Variants in SLIT3 observed in about 807,000 individuals in gnomAD.
SLIT3 encodes slit guidance ligand 3, also known as slit homolog 3 protein.
SLIT3 carries 68 observed loss-of-function variants against 184.0 expected under a neutral mutation model. The observed-to-expected ratio is 0.37, with a 90% CI of 0.30 to 0.45. SLIT3 has a LOEUF of 0.45. Ranked by LOEUF, SLIT3 falls within the 20% of genes least tolerant of loss-of-function variation. SLIT3 has a pLI of 1.00. For missense variants in SLIT3, 1,707 were observed against 2,026.0 expected (o/e 0.84, Z 3.02); for synonymous variants, 831 against 828.6 (o/e 1.00, Z -0.05).
At chr5:168,862,908 C>T (rs1759162500) in intron 5 of SLIT3, among the ~76,000 whole-genome samples, 1 of 152,198 alleles carries the variant, frequency 6.6e-6, no homozygotes, top group African/African-American at 2.4e-5. Flanking sequence ...CCCCTGACCT[C>T]AGGTGATCTG....
At chr5:168,742,247 C>T (rs1207905714) in intron 20 of SLIT3, among the ~76,000 whole-genome samples, 1 of 149,132 alleles carries the variant, frequency 6.7e-6, no homozygotes, top group Non-Finnish European at 1.5e-5. Context: ...CACCTCTGGG[C>T]TCCTAGCCCA....
intron 4 of SLIT3, chr5:169,120,277 G>T (rs1291059611): frequency 6.6e-6 from 1 of 152,132 alleles, no homozygotes; most frequent in Non-Finnish European, 1.5e-5. Flanking sequence ...CATAATAGTT[G>T]CTCCAGGAAC....
chr5:168,868,524 C>T (rs149184261), intron 5 of SLIT3, among the ~76,000 whole-genome samples: 161 of 152,068 alleles, frequency 1.1e-3, no homozygotes, highest in Middle Eastern at 6.8e-3. Context: ...ACAAAGGGGG[C>T]GGATCACGAG....
At chr5:169,240,877 C>CTT (rs199600846) in intron 3 of SLIT3, among the ~76,000 whole-genome samples, 2 of 139,728 alleles carry the variant, frequency 1.4e-5, no homozygotes, top group Admixed American at 7.0e-5. Context: ...AATTTTTTGG[C>CTT]TTTTTTTTTT....
intron 5 of SLIT3, among the ~76,000 whole-genome samples, chr5:168,882,001 C>A (rs1213105298): frequency 6.6e-6 from 1 of 152,182 alleles, no homozygotes; most frequent in Non-Finnish European, 1.5e-5. Flanking sequence ...CTCCACCCAC[C>A]CCCAGAGACG....
At chr5:169,022,692 G>A (rs567379952) in intron 4 of SLIT3, 3 of 151,978 alleles carry the variant, frequency 2.0e-5, no homozygotes, top group Non-Finnish European at 2.9e-5. Flanking sequence ...TGGTTTTTGC[G>A]GGGGGTAACA....
intron 14 of SLIT3, among the ~76,000 whole-genome samples, chr5:168,768,776 C>T (rs1755438989): frequency 6.6e-6 from 1 of 152,112 alleles, no homozygotes; most frequent in African/African-American, 2.4e-5. Flanking sequence ...AGGAAAAAGC[C>T]CCCTTTGACA....
chr5:169,165,187 G>A (rs568246509), intron 4 of SLIT3, among the ~76,000 whole-genome samples: 6 of 152,250 alleles, frequency 3.9e-5, no homozygotes, highest in Non-Finnish European at 7.3e-5. Flanking sequence ...GATGTTGGAA[G>A]AAACAAGTGA....
rs1006854304 is a variant in SLIT3, at chr5:168,761,025, C to T, written c.1611-89G>A. On this transcript the variant is annotated intron_variant, in intron 15 of 35. Transcript: ENST00000519560. ...TGGCTTTGCTGCATTGCTGCCTGAA[C>T]CTCACACTCGGTGAAGGACCACAGA... is the stretch of plus-strand genomic sequence containing the variant. The T allele has an allele frequency of 3.1e-6, 3 of 964,482 alleles. No homozygotes were observed. In the East Asian group the frequency reaches 7.2e-5, roughly 23 times the overall value. The allele number at this position is 964,482 out of a possible 1,614,324, so 59.7% of individuals were successfully genotyped here.
chr5:169,247,985 C>T (rs1315353696), intron 2 of SLIT3, among the ~76,000 whole-genome samples: 1 of 152,158 alleles, frequency 6.6e-6, no homozygotes, highest in Non-Finnish European at 1.5e-5. Flanking sequence ...CAAAGAGAGT[C>T]ACCGGCAGGA....
intron 9 of SLIT3, among the ~76,000 whole-genome samples, chr5:168,804,643 T>C (rs986999044): frequency 6.6e-6 from 1 of 152,220 alleles, no homozygotes; most frequent in Non-Finnish European, 1.5e-5. Flanking sequence ...GACTCTTTAC[T>C]AACCAGCTCC....
rs1284776199 is a variant in SLIT3 at position 168,673,316 on chromosome 5, A to G, written c.3702T>C (p.Asn1234=). The change falls in exon 33 of 36, where the codon AAT becomes AAC. Residue 1234 remains asparagine, a synonymous_variant. Coordinates refer to ENST00000519560, the MANE Select transcript of SLIT3 (RefSeq NM_003062.4). ...PTTVYSVETV[N]DGQFHSVELV... is the part of the protein sequence containing the mutation. ...GCTCCACACTGTGAAACTGCCCATC[A>G]TTCACTGTCTCCACACTGGCCAGTA... The G allele has an allele frequency of 2.5e-6, 4 of 1,614,138 alleles. No homozygotes were observed. Among genetic ancestry groups the G allele is most frequent in the Non-Finnish European group, 3.4e-6 (4 of 1,180,018 alleles).
intron 4 of SLIT3, among the ~76,000 whole-genome samples, chr5:169,117,892 G>C (rs577178261): frequency 6.6e-6 from 1 of 152,194 alleles, no homozygotes; most frequent in African/African-American, 2.4e-5. Context: ...AGGCCACAGC[G>C]CTTCCTAAGC....
intron 4 of SLIT3, among the ~76,000 whole-genome samples, chr5:169,014,975 C>A (rs1339655534): frequency 6.6e-6 from 1 of 152,008 alleles, no homozygotes; most frequent in Non-Finnish European, 1.5e-5. Flanking sequence ...AAAAATGCAA[C>A]CTCAGAAGGT....
chr5:168,777,074 C>T (rs967233275), intron 12 of SLIT3, among the ~76,000 whole-genome samples: 1 of 24,818 alleles, frequency 4.0e-5, no homozygotes, highest in East Asian at 4.1e-3. Context: ...AACACACACA[C>T]ACACACACAC....
chr5:168,772,964 G>A lies in SLIT3; in HGVS notation c.1296-20C>T, dbSNP rs376668238. ...AAGTGGCTGCGAGAGGGATGGGGCC[G>A]TTAATCAGGAGTGACCCACGGCGTC... On this transcript the variant is annotated intron_variant, in intron 13 of 35. Transcript: ENST00000519560. 89 of 1,577,824 alleles carry A rather than the reference G, an allele frequency of 5.6e-5. No individual in the cohort carries two copies. Among genetic ancestry groups the A allele is most frequent in the South Asian group, 4.3e-4 (36 of 84,406 alleles).
chr5:168,666,666 C>A lies in SLIT3; in HGVS notation c.4360G>T (p.Val1454Phe). Residue 1454 changes from valine to phenylalanine, a missense_variant, in exon 36 of 36, where the codon GTC becomes TTC. Val to Phe is a conservative substitution (Grantham distance 50). This residue lies in a region of SLIT3 where 387 missense variants were observed against 477.9 expected (regional missense o/e 0.81). Coordinates refer to ENST00000519560, the MANE Select transcript of SLIT3 (RefSeq NM_003062.4). ...QQENPCLGQV[V>F]REVIRRQKGY... The stretch of plus-strand genomic sequence containing the variant: ...TTCTGGCGGCGGATCACCTCTCGGA[C>A]TACTTGTCCCAGGCACGGATTCTCT... The A allele has an allele frequency of 6.2e-7, 1 of 1,614,190 alleles. No homozygotes were observed. The highest frequency in any genetic ancestry group is 8.5e-7 in the Non-Finnish European group (1 of 1,180,054).
chr5:169,143,828 T>G (rs866187018), intron 4 of SLIT3, among the ~76,000 whole-genome samples: 1 of 151,916 alleles, frequency 6.6e-6, no homozygotes, highest in African/African-American at 2.4e-5. Context: ...TGTATGCACA[T>G]GTGTGTGTGA....
chr5:169,174,034 C>G (rs189366067), intron 4 of SLIT3, among the ~76,000 whole-genome samples: 1 of 152,154 alleles, frequency 6.6e-6, no homozygotes, highest in African/African-American at 2.4e-5. Flanking sequence ...ACAGAAGACC[C>G]TTCTCTGGTT....
Sources: gnomAD v4.1 joint callset for allele counts (sites outside exome capture counted in the v4.1 genomes callset) on GRCh38, gnomAD v4.1.1 for gene constraint, gnomAD v4.1.1 regional missense constraint, MANE v1.5 for transcripts, NCBI Gene and HGNC (gene_info 2026-07-23, HGNC 2026-07-21) for gene names.